The following NDUFS4 variants were observed in gnomAD, a reference collection of about 807,000 sequenced individuals.
NDUFS4 encodes the protein NADH dehydrogenase [ubiquinone] iron-sulfur protein 4, mitochondrial.
In NDUFS4, 28 loss-of-function variants were observed where a neutral mutation model predicts 24.3. The ratio of observed to expected loss-of-function variants is 1.15; its 90% CI spans 0.85 to 1.58. NDUFS4 has a LOEUF of 1.58. NDUFS4 is among the 40% of genes most tolerant of loss of function. The probability of loss-of-function intolerance (pLI) is 0.00; values close to 1 mark genes in which losing one functional copy is unlikely to be tolerated. For synonymous variants in NDUFS4, 93 were observed against 69.7 expected (o/e 1.34, Z -1.67); for missense variants, 223 against 207.9 (o/e 1.07, Z -0.45).
intron 4 of NDUFS4, among the ~76,000 whole-genome samples, chr5:53,662,735 T>C (rs565103557): frequency 1.0e-3 from 156 of 152,316 alleles, no homozygotes; most frequent in African/African-American, 3.6e-3. Flanking sequence ...AGGGTGTATA[T>C]GTCCAGGAAT....
intron 1 of NDUFS4, among the ~76,000 whole-genome samples, chr5:53,576,807 T>TA (rs1392014522): frequency 4.6e-5 from 7 of 152,216 alleles, no homozygotes; most frequent in Non-Finnish European, 8.8e-5. Flanking sequence ...TTTTATGGGT[T>TA]AAACTATCTT....
intron 1 of NDUFS4, among the ~76,000 whole-genome samples, chr5:53,601,179 A>AT (rs1002029246): frequency 3.0e-4 from 46 of 151,734 alleles, no homozygotes; most frequent in African/African-American, 1.0e-3. Flanking sequence ...AATTTTTTGT[A>AT]TTTTTAGTAG....
chr5:53,583,077 C>T (rs1017153254), intron 1 of NDUFS4, among the ~76,000 whole-genome samples: 1 of 152,120 alleles, frequency 6.6e-6, no homozygotes, highest in East Asian at 1.9e-4. Flanking sequence ...TGGGCTTTCA[C>T]TGTGTTAGCC....
intron 3 of NDUFS4, 72 bp from the exon 4 acceptor site, chr5:53,658,479 A>G (rs1752227216): frequency 2.9e-6 from 3 of 1,029,096 alleles, no homozygotes; most frequent in Non-Finnish European, 1.5e-6. Flanking sequence ...GTAGCTGTTT[A>G]TTTTAAATAT....
rs1383386834 is a variant in NDUFS4 at position 53,560,740 on chromosome 5, C to T, written c.78C>T (p.Ser26=). 2.5e-6 allele frequency: 4 copies of T among 1,614,106 alleles called. No homozygotes were observed. Among genetic ancestry groups the T allele is most frequent in the Non-Finnish European group, 3.4e-6 (4 of 1,180,046 alleles). Reference sequence around the variant, plus strand: ...GGGCAGTGGCTGTAGCTGCCCTTTCCGTTTCCAGGGTTCCGACCAGGTAAT... The same window carrying T: ...GGGCAGTGGCTGTAGCTGCCCTTTCTGTTTCCAGGGTTCCGACCAGGTAAT... ...RRRAVAVAAL[S]VSRVPTRSLR... Residue 26 remains serine, a synonymous_variant, in exon 1 of 5, where the codon TCC becomes TCT. Coordinates refer to ENST00000296684, the MANE Select transcript of NDUFS4 (RefSeq NM_002495.4).
intron 2 of NDUFS4, among the ~76,000 whole-genome samples, chr5:53,622,938 C>T (rs1751098000): frequency 6.6e-6 from 1 of 152,154 alleles, no homozygotes; most frequent in Non-Finnish European, 1.5e-5. Context: ...TGTGTTATAG[C>T]ATGTGTCAGA....
intron 1 of NDUFS4, among the ~76,000 whole-genome samples, chr5:53,582,794 A>G (rs774202813): frequency 2.0e-5 from 3 of 152,244 alleles, no homozygotes; most frequent in Non-Finnish European, 4.4e-5. Context: ...CTTAGCGTGT[A>G]ATAGATACTT....
At chr5:53,564,483 A>G (rs1748955703) in intron 1 of NDUFS4, among the ~76,000 whole-genome samples, 1 of 152,160 alleles carries the variant, frequency 6.6e-6, no homozygotes, top group Admixed American at 6.5e-5. Context: ...CCTCTTTCCA[A>G]ATGCCCATAC....
At chr5:53,597,744 T>C (rs1750172661) in intron 1 of NDUFS4, among the ~76,000 whole-genome samples, 1 of 152,126 alleles carries the variant, frequency 6.6e-6, no homozygotes, top group Admixed American at 6.5e-5. Flanking sequence ...GAACGAAAAA[T>C]GCATCAGTTA....
chr5:53,667,388 C>T (rs1752549065), intron 4 of NDUFS4, among the ~76,000 whole-genome samples: 1 of 151,770 alleles, frequency 6.6e-6, no homozygotes, highest in South Asian at 2.1e-4. Context: ...TCGCTTGAAC[C>T]CGGGAGGCAG....
intron 2 of NDUFS4, among the ~76,000 whole-genome samples, chr5:53,608,758 C>T (rs1750607475): frequency 6.6e-6 from 1 of 152,170 alleles, no homozygotes; most frequent in Non-Finnish European, 1.5e-5. Flanking sequence ...GGGTTGGATT[C>T]AACTTCTTTC....
chr5:53,563,402 A>C (rs1470166250), intron 1 of NDUFS4, among the ~76,000 whole-genome samples: 1 of 151,998 alleles, frequency 6.6e-6, no homozygotes. Context: ...TGATCTAGTT[A>C]CTTACTGAGC....
At chr5:53,608,556 A>AACGTTC in intron 2 of NDUFS4, among the ~76,000 whole-genome samples, 1 of 152,332 alleles carries the variant, frequency 6.6e-6, no homozygotes, top group East Asian at 1.9e-4. Flanking sequence ...TCATTTCAGC[A>AACGTTC]ACGTTCACAG....
intron 2 of NDUFS4, among the ~76,000 whole-genome samples, chr5:53,638,983 CT>C (rs1313700383): frequency 2.0e-5 from 3 of 151,882 alleles, no homozygotes; most frequent in African/African-American, 7.2e-5. Context: ...TTCCATAAGC[CT>C]TTTTTAGTCT....
At chr5:53,613,479 A>G (rs1273581495) in intron 2 of NDUFS4, among the ~76,000 whole-genome samples, 1 of 151,980 alleles carries the variant, frequency 6.6e-6, no homozygotes, top group Non-Finnish European at 1.5e-5. Flanking sequence ...ATGTTTCTTC[A>G]AGTGTTTCAT....
At chr5:53,578,081 T>C (rs1256043175) in intron 1 of NDUFS4, among the ~76,000 whole-genome samples, 2 of 152,250 alleles carry the variant, frequency 1.3e-5, no homozygotes, top group Non-Finnish European at 2.9e-5. Flanking sequence ...TTGTCTTCCA[T>C]TTTATTAATG....
intron 2 of NDUFS4, among the ~76,000 whole-genome samples, chr5:53,615,521 A>G (rs1264842892): frequency 6.6e-6 from 1 of 152,012 alleles, no homozygotes; most frequent in African/African-American, 2.4e-5. Flanking sequence ...ACCACCTGCA[A>G]GCATGTGAGA....
chr5:53,663,661 C>T (rs1433049801), intron 4 of NDUFS4, among the ~76,000 whole-genome samples: 2 of 151,932 alleles, frequency 1.3e-5, no homozygotes, highest in Non-Finnish European at 2.9e-5. Context: ...CAACCCTTGC[C>T]TTTTTTTGTT....
chr5:53,664,538 T>A (rs1011207015), intron 4 of NDUFS4, among the ~76,000 whole-genome samples: 2 of 152,170 alleles, frequency 1.3e-5, no homozygotes, highest in Admixed American at 6.5e-5. Flanking sequence ...TTCTTTTTAT[T>A]CTTTTTTCTC....
Sources: gnomAD v4.1 joint callset for allele counts (sites outside exome capture counted in the v4.1 genomes callset) on GRCh38, gnomAD v4.1.1 for gene constraint, MANE v1.5 for transcripts, NCBI Gene and HGNC (gene_info 2026-07-23, HGNC 2026-07-21) for gene names.